DLG2: variants seen among roughly 807,000 people sequenced by gnomAD.
DLG2 encodes the protein discs large MAGUK scaffold protein 2, also known as disks large homolog 2.
Under a neutral mutation model 132.5 loss-of-function variants are expected in DLG2, and 45 were observed. That is an observed-to-expected ratio of 0.34 (90% CI 0.27 to 0.44). The LOEUF (loss-of-function observed/expected upper bound fraction) is 0.44. DLG2 is among the 20% of genes least tolerant of loss of function. The probability of loss-of-function intolerance (pLI) is 1.00; values close to 1 mark genes in which losing one functional copy is unlikely to be tolerated. For synonymous variants in DLG2, 424 were observed against 419.6 expected (o/e 1.01, Z -0.13); for missense variants, 1,045 against 1,196.9 (o/e 0.87, Z 1.87).
intron 6 of DLG2, among the ~76,000 whole-genome samples, chr11:84,670,672 T>C (rs922517334): frequency 1.3e-5 from 2 of 152,134 alleles, no homozygotes; most frequent in African/African-American, 4.8e-5. Flanking sequence ...TACATCTCCA[T>C]TTACAGATGA....
At position 84,702,037 on chromosome 11, in the gene DLG2, G is replaced by C. The variant is rs560428545; in HGVS notation, c.358-167306C>G. On this transcript the variant is annotated intron_variant, in intron 6 of 27. Coordinates refer to ENST00000376104, the MANE Select transcript of DLG2 (RefSeq NM_001142699.3). ...CTCTGCTGGGCCATATAACTGCTTT[G>C]TTCATTTCCACAGGCCTAGCACAAA... 4.6e-5 allele frequency among the ~76,000 whole-genome samples: 7 copies of C among 151,578 alleles called. No individual in the cohort carries two copies. In the East Asian group the frequency reaches 1.4e-3, roughly 30 times the overall value.
chr11:83,500,316 C>A (rs921928518), intron 21 of DLG2, among the ~76,000 whole-genome samples: 5 of 151,924 alleles, frequency 3.3e-5, no homozygotes, highest in Non-Finnish European at 7.4e-5. Context: ...AACAAGGTGC[C>A]GTCATTCTGA....
chr11:85,317,144 G>T (rs974079530), intron 3 of DLG2, among the ~76,000 whole-genome samples: 2 of 151,854 alleles, frequency 1.3e-5, no homozygotes, highest in Non-Finnish European at 2.9e-5. Context: ...AAGCTCTGAC[G>T]CAGGAAGCAA....
intron 3 of DLG2, among the ~76,000 whole-genome samples, chr11:85,518,302 T>G (rs757450991): frequency 6.6e-6 from 1 of 152,154 alleles, no homozygotes; most frequent in Non-Finnish European, 1.5e-5. Context: ...AAAACCCTGA[T>G]AGTGATATAG....
At chr11:84,967,465 A>T (rs2053505657) in intron 6 of DLG2, among the ~76,000 whole-genome samples, 1 of 152,160 alleles carries the variant, frequency 6.6e-6, no homozygotes, top group Non-Finnish European at 1.5e-5. Context: ...CTCAAGCAGG[A>T]TGCTCACCAA....
chr11:85,317,268 T>C (rs923649131), intron 3 of DLG2, among the ~76,000 whole-genome samples: 4 of 151,846 alleles, frequency 2.6e-5, no homozygotes, highest in South Asian at 2.1e-4. Context: ...TATTTAAAAA[T>C]AATGTAAGGC....
At chr11:85,324,657 G>A (rs1156522837) in intron 3 of DLG2, among the ~76,000 whole-genome samples, 1 of 152,196 alleles carries the variant, frequency 6.6e-6, no homozygotes, top group East Asian at 1.9e-4. Context: ...AGCTACACAA[G>A]AGGTTTTGAG....
At chr11:84,537,843 G>A (rs2099359208) in intron 6 of DLG2, among the ~76,000 whole-genome samples, 1 of 152,180 alleles carries the variant, frequency 6.6e-6, no homozygotes, top group African/African-American at 2.4e-5. Flanking sequence ...GGATGAAATA[G>A]ATATCACTTG....
At chr11:85,048,080 T>C (rs1007358380) in intron 6 of DLG2, among the ~76,000 whole-genome samples, 1 of 151,956 alleles carries the variant, frequency 6.6e-6, no homozygotes, top group Non-Finnish European at 1.5e-5. Flanking sequence ...GCTTTGATAG[T>C]ATCTTGTTTT....
intron 7 of DLG2, among the ~76,000 whole-genome samples, chr11:84,420,650 C>CTTGTTTTTTTTT (rs2098946140): frequency 2.4e-5 from 1 of 42,208 alleles, no homozygotes; most frequent in Non-Finnish European, 4.8e-5. Context: ...TGCTTGTTTT[C>CTTGTTTTTTTTT]TTTTTTTTTT....
intron 6 of DLG2, among the ~76,000 whole-genome samples, chr11:84,873,999 A>T (rs1242256253): frequency 6.6e-6 from 1 of 152,224 alleles, no homozygotes; most frequent in Non-Finnish European, 1.5e-5. Flanking sequence ...AGAAAGTGTC[A>T]AAGCACAAGG....
chr11:83,906,741 T>C (rs2075058953), intron 15 of DLG2, among the ~76,000 whole-genome samples: 2 of 152,056 alleles, frequency 1.3e-5, no homozygotes, highest in African/African-American at 2.4e-5. Flanking sequence ...ATTGGGTCAA[T>C]GAGCAAAGGT....
At chr11:84,942,814 G>A (rs566098844) in intron 6 of DLG2, among the ~76,000 whole-genome samples, 1 of 152,182 alleles carries the variant, frequency 6.6e-6, no homozygotes, top group East Asian at 1.9e-4. Context: ...GCTGAAAGTG[G>A]GGTGTTGAGG....
intron 4 of DLG2, among the ~76,000 whole-genome samples, chr11:85,220,335 G>C (rs1000711866): frequency 2.6e-5 from 4 of 152,174 alleles, no homozygotes; most frequent in South Asian, 4.2e-4. Context: ...AAAGGAGTTA[G>C]CCTTGTGGAT....
chr11:84,597,756 A>G (rs56263826), intron 6 of DLG2, among the ~76,000 whole-genome samples: 20,637 of 152,180 alleles, frequency 0.14, 1,456 homozygotes, highest in South Asian at 0.18. Context: ...GATCAATTAC[A>G]GCATCAGTAA....
chr11:84,970,425 C>G (rs959207168), intron 6 of DLG2, among the ~76,000 whole-genome samples: 2 of 152,146 alleles, frequency 1.3e-5, no homozygotes, highest in African/African-American at 4.8e-5. Context: ...TCCATTTGGG[C>G]TGCCATAACA....
At chr11:85,491,563 T>C (rs960378797) in intron 3 of DLG2, among the ~76,000 whole-genome samples, 23 of 152,176 alleles carry the variant, frequency 1.5e-4, no homozygotes, top group African/African-American at 5.1e-4. Context: ...AGTTGCAGGA[T>C]ACAAAATCAA....
chr11:84,123,278 G>A (rs2094010310), intron 9 of DLG2, among the ~76,000 whole-genome samples: 1 of 152,174 alleles, frequency 6.6e-6, no homozygotes, highest in Admixed American at 6.5e-5. Context: ...CTTTGCAATA[G>A]GCATGCAATA....
At chr11:85,193,484 A>G (rs568662566) in intron 4 of DLG2, among the ~76,000 whole-genome samples, 6 of 152,308 alleles carry the variant, frequency 3.9e-5, no homozygotes, top group African/African-American at 1.2e-4. Flanking sequence ...TAGCCAGACT[A>G]TTTTCCAAAG....
Sources: gnomAD v4.1 joint callset for allele counts (sites outside exome capture counted in the v4.1 genomes callset) on GRCh38, gnomAD v4.1.1 for gene constraint, MANE v1.5 for transcripts, NCBI Gene and HGNC (gene_info 2026-07-23, HGNC 2026-07-21) for gene names.